The following HDX variants were observed in gnomAD, a reference collection of about 807,000 sequenced individuals.
HDX encodes the protein chromosome X open reading frame 43.
HDX carries 19 observed loss-of-function variants against 45.2 expected under a neutral mutation model. The ratio of observed to expected loss-of-function variants is 0.42; its 90% CI spans 0.29 to 0.62. The LOEUF is 0.62. Ranked by LOEUF, HDX falls within the 20% of genes least tolerant of loss-of-function variation. The pLI is 0.20. For synonymous variants in HDX, 188 were observed against 172.8 expected (o/e 1.09, Z -0.69); for missense variants, 532 against 493.9 (o/e 1.08, Z -0.73).
chrX:84,418,112 A>T (rs893870227), intron 5 of HDX, among the ~76,000 whole-genome samples: 2 of 112,093 alleles, frequency 1.8e-5, no homozygotes, highest in Non-Finnish European at 3.8e-5. Context: ...GGTCTTTCCC[A>T]TTCAAAGTCA....
At chrX:84,501,126 T>C (rs1250612161) in intron 1 of HDX, among the ~76,000 whole-genome samples, 1 of 111,911 alleles carries the variant, frequency 8.9e-6, no homozygotes, top group African/African-American at 3.3e-5. Flanking sequence ...GAGTCTATGA[T>C]CAGACTGTGG....
chrX:84,388,352 C>T (rs2038367346), intron 5 of HDX, among the ~76,000 whole-genome samples: 1 of 111,294 alleles, frequency 9.0e-6, no homozygotes, highest in Admixed American at 9.6e-5. Flanking sequence ...TCAACATCCT[C>T]AGAGAGATTA....
chrX:84,480,852 T>C (rs1159077637), intron 2 of HDX, among the ~76,000 whole-genome samples: 2 of 111,149 alleles, frequency 1.8e-5, no homozygotes, highest in East Asian at 5.6e-4. Flanking sequence ...GTTTTAGTAC[T>C]AGGGTAATGA....
intron 4 of HDX, among the ~76,000 whole-genome samples, chrX:84,445,296 C>A: frequency 9.0e-6 from 1 of 111,577 alleles, no homozygotes; most frequent in Non-Finnish European, 1.9e-5. Flanking sequence ...AATAACCAGA[C>A]CTCTCAAAAG....
rs1182483008 is a variant in HDX at position 84,488,133 on chromosome X, C to A, written c.-109-1G>T. 9.0e-6 allele frequency: 1 copy of A among 111,469 alleles called. No individual in the cohort carries two copies. The highest frequency in any genetic ancestry group is 1.9e-5 in the Non-Finnish European group (1 of 53,107). 9.2% of individuals were successfully genotyped at this position (111,469 alleles called of 1,213,427 possible). A position where few individuals can be genotyped will look rare whatever the true frequency, so the allele number is the denominator to read the frequency against. On this transcript the variant is annotated splice_acceptor_variant, in intron 1 of 10. Transcript: ENST00000373177. LOFTEE classifies it low-confidence loss of function (5UTR_SPLICE). ...TTAAAATTTTGTCCAGAGATTGTAG[C>A]TGTAATAATCAGGAGAGAAGGTTAT...
chrX:84,387,250 G>A (rs1270840276), intron 5 of HDX, among the ~76,000 whole-genome samples: 1 of 111,889 alleles, frequency 8.9e-6, no homozygotes, highest in Non-Finnish European at 1.9e-5. Flanking sequence ...CTTGCTTTAT[G>A]TCTGAGCATG....
intron 7 of HDX, among the ~76,000 whole-genome samples, chrX:84,337,976 C>A (rs1228860971): frequency 9.0e-6 from 1 of 111,275 alleles, no homozygotes; most frequent in Non-Finnish European, 1.9e-5. Context: ...CTCTCTTTAT[C>A]TCTTCTTTTG....
Position 84,469,286 on chromosome X carries a change from T to C in HDX, c.437A>G (p.Asp146Gly). Reference protein sequence around the residue: ...IPIQKTATKNDTEFQLHIPVQ... With the variant: ...IPIQKTATKNGTEFQLHIPVQ... ...AGGAATGTGTAACTGAAACTCAGTATCATTTTTAGTGGCTGTTTTCTGAAT... is the reference window on the plus strand; with the variant it reads ...AGGAATGTGTAACTGAAACTCAGTACCATTTTTAGTGGCTGTTTTCTGAAT... Residue 146 changes from aspartate (D) to glycine (G), a missense_variant, in exon 4 of 11, where the codon GAT becomes GGT. This residue lies in a region of HDX where 376 missense variants were observed against 343.7 expected (regional missense o/e 1.09). Transcript: ENST00000373177. The C allele has an allele frequency of 1.7e-6, 2 of 1,210,481 alleles. No individual in the cohort carries two copies. Among genetic ancestry groups the C allele is most frequent in the South Asian group, 1.8e-5 (1 of 56,959 alleles).
At chrX:84,435,422 T>G (rs1400819227) in intron 5 of HDX, among the ~76,000 whole-genome samples, 1 of 111,217 alleles carries the variant, frequency 9.0e-6, no homozygotes, top group Non-Finnish European at 1.9e-5. Context: ...GTTTTTTTCT[T>G]GTAAATTTGT....
At chrX:84,382,870 G>T (rs2038221960) in intron 5 of HDX, among the ~76,000 whole-genome samples, 1 of 111,135 alleles carries the variant, frequency 9.0e-6, no homozygotes, top group African/African-American at 3.3e-5. Flanking sequence ...GTTTGTAATA[G>T]AAAGGATAAA....
chrX:84,367,180 G>C (rs1162252646), intron 5 of HDX, among the ~76,000 whole-genome samples: 1 of 111,970 alleles, frequency 8.9e-6, no homozygotes, highest in Non-Finnish European at 1.9e-5. Context: ...CCATCAAAAA[G>C]TGGGTGAAGG....
intron 4 of HDX, among the ~76,000 whole-genome samples, chrX:84,445,443 T>G (rs1485716949): frequency 9.0e-6 from 1 of 110,507 alleles, no homozygotes; most frequent in East Asian, 2.8e-4. Flanking sequence ...AACTATGAGG[T>G]GTACAGCACA....
chrX:84,437,161 G>A (rs1482082897), intron 5 of HDX, among the ~76,000 whole-genome samples: 1 of 111,494 alleles, frequency 9.0e-6, no homozygotes, highest in Admixed American at 9.6e-5. Context: ...ATGAGTAACT[G>A]TATCTATATT....
intron 6 of HDX, among the ~76,000 whole-genome samples, chrX:84,356,614 CTTTTTT>C (rs59321751): frequency 2.5e-5 from 1 of 39,489 alleles, no homozygotes; most frequent in Non-Finnish European, 4.1e-5. Flanking sequence ...CTGTGGATAT[CTTTTTT>C]TTTTTTTTTT....
At chrX:84,454,948 T>C (rs2040081476) in intron 4 of HDX, among the ~76,000 whole-genome samples, 1 of 110,887 alleles carries the variant, frequency 9.0e-6, no homozygotes, top group Non-Finnish European at 1.9e-5. Context: ...ATGGTTCTTC[T>C]GGATCTTATC....
At chrX:84,345,718 A>G (rs1438085602) in intron 6 of HDX, among the ~76,000 whole-genome samples, 1 of 111,698 alleles carries the variant, frequency 9.0e-6, no homozygotes, top group Non-Finnish European at 1.9e-5. Context: ...ATTGTTTTCC[A>G]GAGAAACTGG....
At chrX:84,431,511 CTCTTA>C (rs2148035953) in intron 5 of HDX, among the ~76,000 whole-genome samples, 1 of 111,386 alleles carries the variant, frequency 9.0e-6, no homozygotes, top group African/African-American at 3.2e-5. Flanking sequence ...TCTCCAGCAT[CTCTTA>C]TGTTTTGATT....
intron 5 of HDX, among the ~76,000 whole-genome samples, chrX:84,421,425 T>A (rs1336943086): frequency 9.0e-6 from 1 of 110,812 alleles, no homozygotes; most frequent in Non-Finnish European, 1.9e-5. Flanking sequence ...CTAAAAAAGA[T>A]ACATTGGATA....
chrX:84,362,111 A>G (rs1303242876), intron 5 of HDX, among the ~76,000 whole-genome samples: 1 of 111,475 alleles, frequency 9.0e-6, no homozygotes, highest in African/African-American at 3.3e-5. Context: ...TTAGTTTCCT[A>G]TTGATATTAT....
Sources: allele counts gnomAD v4.1 joint callset (sites outside exome capture counted in the v4.1 genomes callset), GRCh38; gene constraint gnomAD v4.1.1; regional missense constraint gnomAD v4.1.1; transcripts MANE v1.5; gene names NCBI Gene and HGNC (gene_info 2026-07-23, HGNC 2026-07-21).